The following GALNT2 variants were observed in gnomAD, a reference collection of about 807,000 sequenced individuals.
GALNT2 encodes the protein polypeptide N-acetylgalactosaminyltransferase 2, also known as UDP-GalNAc:polypeptide N-acetylgalactosaminyltransferase 2.
Under a neutral mutation model 81.4 loss-of-function variants are expected in GALNT2, and 31 were observed. The ratio of observed to expected loss-of-function variants is 0.38; its 90% CI spans 0.29 to 0.51. The LOEUF (loss-of-function observed/expected upper bound fraction) is 0.51, where lower values mean the gene tolerates loss of function less well. Among genes scored for constraint, GALNT2 ranks in the 20% least tolerant of loss-of-function variants. GALNT2 has a pLI of 0.87. For missense variants in GALNT2, 629 were observed against 765.7 expected (o/e 0.82, Z 2.11); for synonymous variants, 303 against 287.4 (o/e 1.05, Z -0.55).
At chr1:230,174,576 C>A (rs1662897435) in intron 1 of GALNT2, among the ~76,000 whole-genome samples, 1 of 152,036 alleles carries the variant, frequency 6.6e-6, no homozygotes, top group Non-Finnish European at 1.5e-5. Flanking sequence ...AGTCAGAAAC[C>A]TGGGGCCGTC....
intron 7 of GALNT2, among the ~76,000 whole-genome samples, chr1:230,244,430 A>T (rs890792236): frequency 2.6e-5 from 4 of 152,010 alleles, no homozygotes; most frequent in African/African-American, 9.7e-5. Context: ...CTCTTAACAC[A>T]TGTGCATACA....
At chr1:230,074,541 A>G (rs778834908) in intron 1 of GALNT2, among the ~76,000 whole-genome samples, 3 of 152,106 alleles carry the variant, frequency 2.0e-5, no homozygotes, top group Non-Finnish European at 4.4e-5. Context: ...CGAGGGTGGG[A>G]GGTGGGCAGA....
chr1:230,148,941 A>C (rs1662008448), intron 1 of GALNT2, among the ~76,000 whole-genome samples: 1 of 149,194 alleles, frequency 6.7e-6, no homozygotes, highest in Admixed American at 6.6e-5. Flanking sequence ...CCCAGGCTGG[A>C]GTGATCACAG....
chr1:230,232,740 A>T (rs535001050), intron 3 of GALNT2, among the ~76,000 whole-genome samples: 1 of 152,212 alleles, frequency 6.6e-6, no homozygotes, highest in South Asian at 2.1e-4. Flanking sequence ...AGTCTTGCAG[A>T]TTCTCACTTC....
intron 1 of GALNT2, among the ~76,000 whole-genome samples, chr1:230,173,441 G>A (rs1443731913): frequency 6.6e-6 from 1 of 152,192 alleles, no homozygotes; most frequent in Admixed American, 6.5e-5. Flanking sequence ...TGTCTGTGGG[G>A]TAATCATTCT....
At chr1:230,143,117 C>T (rs1661801043) in intron 1 of GALNT2, among the ~76,000 whole-genome samples, 1 of 152,152 alleles carries the variant, frequency 6.6e-6, no homozygotes, top group African/African-American at 2.4e-5. Flanking sequence ...TCTGGTACTC[C>T]TGGAGCCTGA....
chr1:230,164,343 G>A (rs952370126), intron 1 of GALNT2, among the ~76,000 whole-genome samples: 2 of 152,162 alleles, frequency 1.3e-5, no homozygotes, highest in African/African-American at 2.4e-5. Context: ...CGAGTTCCCT[G>A]TACACATTTA....
In GALNT2 at chr1:230,164,689, A is replaced by T. The variant is rs1384835942; in HGVS notation, c.127-13529A>T. On this transcript the variant is annotated intron_variant, in intron 1 of 15. Coordinates refer to ENST00000366672, the MANE Select transcript of GALNT2 (RefSeq NM_004481.5). ...GCTGGGACTACAGGCGCCCGCCACC[A>T]CGCCTGGCTAATTTTTTGTAGTTTT... Among the ~76,000 whole-genome samples, 2 of 151,914 alleles carry T rather than the reference A, an allele frequency of 1.3e-5. 1 individual carries two copies. Among genetic ancestry groups the T allele is most frequent in the East Asian group, 3.9e-4 (2 of 5,156 alleles).
chr1:230,061,149 T>C (rs1558264956), intron 1 of GALNT2, among the ~76,000 whole-genome samples: 2 of 151,918 alleles, frequency 1.3e-5, no homozygotes, highest in Non-Finnish European at 2.9e-5. Context: ...ATCTAGGAAA[T>C]ATGTATGTAT....
intron 2 of GALNT2, among the ~76,000 whole-genome samples, chr1:230,186,100 G>A (rs1663327050): frequency 6.6e-6 from 1 of 152,218 alleles, no homozygotes; most frequent in African/African-American, 2.4e-5. Flanking sequence ...CGACTTTCAA[G>A]CTCCTTACAT....
At chr1:230,197,785 C>T (rs991292700) in intron 2 of GALNT2, among the ~76,000 whole-genome samples, 8 of 152,062 alleles carry the variant, frequency 5.3e-5, no homozygotes, top group African/African-American at 1.7e-4. Context: ...TACATGCGTG[C>T]GTGTGTGTGT....
At chr1:230,091,046 C>T (rs1019482386) in intron 1 of GALNT2, among the ~76,000 whole-genome samples, 11 of 151,566 alleles carry the variant, frequency 7.3e-5, no homozygotes, top group East Asian at 2.0e-4. Context: ...GTGTGTACTC[C>T]GCAGACCTTT....
At chr1:230,200,888 C>T (rs1172822569) in intron 2 of GALNT2, among the ~76,000 whole-genome samples, 2 of 152,204 alleles carry the variant, frequency 1.3e-5, no homozygotes, top group Admixed American at 6.5e-5. Flanking sequence ...GTATTCAGGA[C>T]ATTAAATACG....
chr1:230,066,212 A>G (rs958899522), upstream of GALNT2, among the ~76,000 whole-genome samples: 1 of 152,234 alleles, frequency 6.6e-6, no homozygotes, highest in Non-Finnish European at 1.5e-5. Flanking sequence ...AACATTTAAT[A>G]TATCAAGTTC....
intron 1 of GALNT2, among the ~76,000 whole-genome samples, chr1:230,141,890 T>C (rs761205507): frequency 3.4e-5 from 5 of 147,674 alleles, no homozygotes; most frequent in African/African-American, 4.9e-5. Context: ...CGCCTGGGCT[T>C]ATTTTCCCGC....
At chr1:230,170,837 G>C (rs1662770232) in intron 1 of GALNT2, among the ~76,000 whole-genome samples, 1 of 152,080 alleles carries the variant, frequency 6.6e-6, no homozygotes, top group South Asian at 2.1e-4. Context: ...TTTACCATGG[G>C]GAGAGCACAA....
intron 3 of GALNT2, among the ~76,000 whole-genome samples, chr1:230,217,422 G>T (rs1260264500): frequency 6.6e-6 from 1 of 152,212 alleles, no homozygotes; most frequent in Non-Finnish European, 1.5e-5. Context: ...AGGACAGCAG[G>T]AAGCCAGAGT....
Position 230,275,427 on chromosome 1 carries a change from C to T in GALNT2, c.1560+863C>T, listed in dbSNP as rs1187787210. Among the ~76,000 whole-genome samples, 2 of 150,710 alleles carry T rather than the reference C, an allele frequency of 1.3e-5. No individual in the cohort carries two copies. Among genetic ancestry groups the T allele is most frequent in the Non-Finnish European group, 3.0e-5 (2 of 67,654 alleles). Reference sequence around the variant, plus strand: ...TACATATGTAAACACCACATATATACACACCACATATATATACACGCCACA... The same window carrying T: ...TACATATGTAAACACCACATATATATACACCACATATATATACACGCCACA... On this transcript the variant is annotated intron_variant, in intron 15 of 15. Coordinates refer to ENST00000366672, the MANE Select transcript of GALNT2 (RefSeq NM_004481.5). The surrounding 1 kb of genome is among the most constrained non-coding windows in gnomAD (Gnocchi z 5.5).
rs565803139 is a variant in GALNT2 at position 230,059,325 on chromosome 1, G to A, written n.89+1247G>A. The stretch of plus-strand genomic sequence containing the variant: ...CAGGAAAAAGCCCTAAGGGCTTCTG[G>A]CATGAAAATGTTACATTGATAAATG... On this transcript the variant is annotated intron_variant and non_coding_transcript_variant, in intron 1 of 6. Coordinates refer to the GALNT2 transcript ENST00000494106. Among the ~76,000 whole-genome samples, 161 of 152,306 alleles carry A rather than the reference G, an allele frequency of 1.1e-3. 1 individual carries two copies. Among genetic ancestry groups the A allele is most frequent in the African/African-American group, 3.7e-3 (153 of 41,556 alleles).
Sources: allele counts gnomAD v4.1 joint callset (sites outside exome capture counted in the v4.1 genomes callset), GRCh38; gene constraint gnomAD v4.1.1; non-coding constraint Gnocchi (gnomAD v3.1); transcripts MANE v1.5; gene names NCBI Gene and HGNC (gene_info 2026-07-23, HGNC 2026-07-21).